Variants in ASAP1 observed in about 807,000 individuals in gnomAD.
ASAP1 encodes the protein ArfGAP with SH3 domain, ankyrin repeat and PH domain 1, also known as arf-GAP with SH3 domain, ANK repeat and PH domain-containing protein 1.
A neutral mutation model predicts 145.2 loss-of-function variants in ASAP1; 43 were observed. The ratio of observed to expected loss-of-function variants is 0.30; its 90% CI spans 0.23 to 0.38. The LOEUF (loss-of-function observed/expected upper bound fraction) is 0.38, where lower values mean the gene tolerates loss of function less well. ASAP1 is among the 10% of genes least tolerant of loss of function. The pLI is 1.00. For synonymous variants in ASAP1, 546 were observed against 515.5 expected, an observed-to-expected ratio of 1.06 and a Z score of -0.80; for missense variants, 1,018 against 1,355.3, an observed-to-expected ratio of 0.75 and a Z score of 3.91.
intron 2 of ASAP1, among the ~76,000 whole-genome samples, chr8:130,371,376 C>CTGCTGATGTGGCAGGACTT (rs1376449073): frequency 6.6e-6 from 1 of 152,206 alleles, no homozygotes; most frequent in Non-Finnish European, 1.5e-5. Context: ...AAATGGTACT[C>CTGCTGATGTGGCAGGACTT]TGCTGATGTG....
At chr8:130,299,715 G>C (rs1357811896) in intron 3 of ASAP1, among the ~76,000 whole-genome samples, 1 of 152,160 alleles carries the variant, frequency 6.6e-6, no homozygotes, top group Non-Finnish European at 1.5e-5. Context: ...AAAATCAGCA[G>C]AAACTTTCCA....
chr8:130,121,594 C>G (rs1188762579), intron 18 of ASAP1, among the ~76,000 whole-genome samples: 1 of 151,970 alleles, frequency 6.6e-6, no homozygotes, highest in Non-Finnish European at 1.5e-5. Flanking sequence ...CCAGCCTGAT[C>G]AACATGGAGA....
At chr8:130,266,171 C>G (rs1448285835) in intron 3 of ASAP1, among the ~76,000 whole-genome samples, 1 of 152,122 alleles carries the variant, frequency 6.6e-6, no homozygotes, top group African/African-American at 2.4e-5. Flanking sequence ...GAAAAATCCA[C>G]CCACCAGCAC....
At chr8:130,411,562 T>A (rs1481074139) in intron 1 of ASAP1, among the ~76,000 whole-genome samples, 1 of 152,212 alleles carries the variant, frequency 6.6e-6, no homozygotes. Flanking sequence ...AAACTATGCA[T>A]GCTCCAATAT....
chr8:130,369,058 A>G (rs1236194424), intron 2 of ASAP1, among the ~76,000 whole-genome samples: 1 of 152,228 alleles, frequency 6.6e-6, no homozygotes, highest in Non-Finnish European at 1.5e-5. Flanking sequence ...GGGGATAATG[A>G]TATTTACGTC....
At chr8:130,125,469 C>A (rs1462778498) in intron 17 of ASAP1, among the ~76,000 whole-genome samples, 2 of 151,994 alleles carry the variant, frequency 1.3e-5, no homozygotes, top group Non-Finnish European at 2.9e-5. Context: ...TCCCTTACTA[C>A]CTAAAGAAGT....
At chr8:130,080,033 A>G (rs1340961923) in intron 25 of ASAP1, 62 bp from the exon 26 acceptor site, 1 of 1,474,344 alleles carries the variant, frequency 6.8e-7, no homozygotes, top group Admixed American at 1.7e-5. Context: ...ATGAGAATAC[A>G]TGGGTTTGGC....
chr8:130,147,462 G>A (rs1203386820), intron 13 of ASAP1, among the ~76,000 whole-genome samples: 1 of 152,154 alleles, frequency 6.6e-6, no homozygotes, highest in African/African-American at 2.4e-5. Context: ...TGAAATTCAA[G>A]TCTAGGCAGT....
chr8:130,071,046 G>C (rs1051190375), intron 27 of ASAP1, among the ~76,000 whole-genome samples: 1 of 127,808 alleles, frequency 7.8e-6, no homozygotes, highest in Non-Finnish European at 1.7e-5. Context: ...GAGAGAGAGA[G>C]AAAGCAGAGT....
At chr8:130,320,212 G>A (rs1565204904) in intron 3 of ASAP1, among the ~76,000 whole-genome samples, 1 of 152,092 alleles carries the variant, frequency 6.6e-6, no homozygotes, top group Non-Finnish European at 1.5e-5. Flanking sequence ...CTGCCAAAAT[G>A]GAATATCAAT....
intron 3 of ASAP1, among the ~76,000 whole-genome samples, chr8:130,248,438 A>T (rs764981892): frequency 3.9e-5 from 6 of 152,114 alleles, no homozygotes; most frequent in Non-Finnish European, 8.8e-5. Flanking sequence ...CATCAGGGAG[A>T]TCAGATGCCT....
intron 2 of ASAP1, among the ~76,000 whole-genome samples, chr8:130,373,147 CA>C (rs1827308092): frequency 6.8e-6 from 1 of 147,440 alleles, no homozygotes; most frequent in African/African-American, 2.5e-5. Context: ...CACACACACA[CA>C]CAGAGTCTCA....
At chr8:130,345,985 C>T (rs1434275740) in intron 3 of ASAP1, among the ~76,000 whole-genome samples, 3 of 152,304 alleles carry the variant, frequency 2.0e-5, no homozygotes, top group Admixed American at 6.5e-5. Flanking sequence ...GTTTTTCCAA[C>T]TGCTCTATGC....
intron 2 of ASAP1, among the ~76,000 whole-genome samples, chr8:130,387,259 A>C (rs1828061206): frequency 6.6e-6 from 1 of 152,190 alleles, no homozygotes; most frequent in South Asian, 2.1e-4. Flanking sequence ...AGGTCCGGCG[A>C]AAGTGGTGGC....
intron 3 of ASAP1, among the ~76,000 whole-genome samples, chr8:130,277,886 A>C (rs1371307761): frequency 6.6e-6 from 1 of 152,174 alleles, no homozygotes; most frequent in African/African-American, 2.4e-5. Context: ...CTGCCAGTGG[A>C]GTTCACAGAG....
intron 5 of ASAP1, among the ~76,000 whole-genome samples, chr8:130,199,085 A>G (rs959916821): frequency 6.6e-6 from 1 of 152,194 alleles, no homozygotes; most frequent in African/African-American, 2.4e-5. Flanking sequence ...TAAATAATAA[A>G]TAAGTCCCTT....
chr8:130,174,469 G>C (rs750994600), intron 9 of ASAP1, among the ~76,000 whole-genome samples: 1 of 152,158 alleles, frequency 6.6e-6, no homozygotes, highest in East Asian at 1.9e-4. Context: ...AACAGTAATG[G>C]CAGCTAACAT....
intron 3 of ASAP1, among the ~76,000 whole-genome samples, chr8:130,341,800 C>T (rs1825399027): frequency 6.6e-6 from 1 of 152,074 alleles, no homozygotes; most frequent in African/African-American, 2.4e-5. Flanking sequence ...AAAAGAGAAA[C>T]AGGAAAAGCA....
At chr8:130,292,530 A>G (rs1822009343) in intron 3 of ASAP1, among the ~76,000 whole-genome samples, 1 of 152,224 alleles carries the variant, frequency 6.6e-6, no homozygotes, top group Non-Finnish European at 1.5e-5. Flanking sequence ...TTGCTCTTCC[A>G]GGCTCTGAAT....
Sources: gnomAD v4.1 joint callset for allele counts (sites outside exome capture counted in the v4.1 genomes callset) on GRCh38, gnomAD v4.1.1 for gene constraint, MANE v1.5 for transcripts, NCBI Gene and HGNC (gene_info 2026-07-23, HGNC 2026-07-21) for gene names.